The following RHOA variants were observed in gnomAD, a reference collection of about 807,000 sequenced individuals.
RHOA encodes ras homolog family member A.
RHOA carries 3 observed loss-of-function variants against 17.5 expected under a neutral mutation model. The ratio of observed to expected loss-of-function variants is 0.17; its 90% CI spans 0.08 to 0.44. RHOA has a LOEUF of 0.44. Ranked by LOEUF, RHOA falls within the 20% of genes least tolerant of loss-of-function variation. The pLI, the probability that RHOA is intolerant of heterozygous loss-of-function variation, is 0.99. For missense variants in RHOA, 56 were observed against 242.3 expected, an observed-to-expected ratio of 0.23 and a Z score of 5.10; for synonymous variants, 98 against 88.4, an observed-to-expected ratio of 1.11 and a Z score of -0.61.
chr3:49,365,552 T>C (rs936125353), intron 3 of RHOA, among the ~76,000 whole-genome samples: 6 of 151,932 alleles, frequency 3.9e-5, no homozygotes, highest in African/African-American at 1.2e-4. Flanking sequence ...TTTGAATAAA[T>C]TGACTGTCGC....
Position 49,359,372 on chromosome 3 carries a change from C to G in RHOA, c.*837G>C, listed in dbSNP as rs2107823948. On this transcript the variant is annotated 3_prime_UTR_variant, in exon 5 of 5. Coordinates refer to ENST00000418115, the MANE Select transcript of RHOA (RefSeq NM_001664.4). ...CATCTTCCAAAGTGTCTAATTGCCT[C>G]AGGCGTGAAACCAATTCCTATTTAC... 5.3e-6 allele frequency: 1 copy of G among 187,708 alleles called. No homozygotes were observed. The highest frequency in any genetic ancestry group is 2.3e-5 in the African/African-American group (1 of 42,860). The allele number at this position is 187,708 out of a possible 1,614,324, so 11.6% of individuals were successfully genotyped here.
At position 49,359,773 on chromosome 3, in the gene RHOA, C is replaced by A. The variant is rs1055542094; in HGVS notation, c.*436G>T. Reference sequence around the variant, plus strand: ...CCCATTTTCAAAAAACTGCCCACCCCAGAGCTATGCCAACAAAATCTGTTA... The same window carrying A: ...CCCATTTTCAAAAAACTGCCCACCCAAGAGCTATGCCAACAAAATCTGTTA... On this transcript the variant is annotated 3_prime_UTR_variant, in exon 5 of 5. Coordinates refer to ENST00000418115, the MANE Select transcript of RHOA (RefSeq NM_001664.4). 4.3e-6 allele frequency: 1 copy of A among 233,976 alleles called. No individual in the cohort carries two copies. The highest frequency in any genetic ancestry group is 8.5e-6 in the Non-Finnish European group (1 of 118,202). 14.5% of individuals were successfully genotyped at this position (233,976 alleles called of 1,614,324 possible). A position where few individuals can be genotyped will look rare whatever the true frequency, so the allele number is the denominator to read the frequency against.
At chr3:49,392,826 G>A (rs1043572299) in intron 1 of RHOA, among the ~76,000 whole-genome samples, 2 of 152,142 alleles carry the variant, frequency 1.3e-5, no homozygotes, top group Non-Finnish European at 1.5e-5. Flanking sequence ...GGTCAAAGAA[G>A]ACATATCCAC....
intron 2 of RHOA, among the ~76,000 whole-genome samples, chr3:49,370,274 A>G: frequency 6.6e-6 from 1 of 152,168 alleles, no homozygotes; most frequent in South Asian, 2.1e-4. Context: ...CAAAACAGAT[A>G]CTAGAACTGA....
chr3:49,368,055 G>A (rs1270479475), intron 3 of RHOA, among the ~76,000 whole-genome samples: 3 of 151,824 alleles, frequency 2.0e-5, no homozygotes, highest in Non-Finnish European at 2.9e-5. Flanking sequence ...GACTACAGGC[G>A]TGCACCACCA....
chr3:49,380,423 C>T (rs1575657993), intron 1 of RHOA, among the ~76,000 whole-genome samples: 3 of 152,204 alleles, frequency 2.0e-5, no homozygotes, highest in Admixed American at 2.0e-4. Flanking sequence ...ATTATATACA[C>T]TCAGCTGGGC....
chr3:49,408,145 T>C (rs1037809894), intron 1 of RHOA, among the ~76,000 whole-genome samples: 4 of 141,656 alleles, frequency 2.8e-5, no homozygotes, highest in Non-Finnish European at 6.0e-5. Context: ...GACGACAGAG[T>C]GAGACTCAGT....
intron 2 of RHOA, among the ~76,000 whole-genome samples, chr3:49,373,993 T>G (rs2107846606): frequency 6.6e-6 from 1 of 152,202 alleles, no homozygotes; most frequent in African/African-American, 2.4e-5. Flanking sequence ...GGGGAAGCAC[T>G]GTTCTCACCA....
At chr3:49,377,285 A>G (rs1478804992) in intron 1 of RHOA, among the ~76,000 whole-genome samples, 2 of 150,016 alleles carry the variant, frequency 1.3e-5, no homozygotes, top group Non-Finnish European at 1.5e-5. Flanking sequence ...GGACGGAAGC[A>G]TGAGAGGGGA....
chr3:49,385,671 C>G (rs1483659708), intron 1 of RHOA, among the ~76,000 whole-genome samples: 1 of 151,848 alleles, frequency 6.6e-6, no homozygotes, highest in Non-Finnish European at 1.5e-5. Flanking sequence ...CAGCCAAATT[C>G]AAGGTCGTAA....
At chr3:49,408,173 A>T (rs931390781) in intron 1 of RHOA, among the ~76,000 whole-genome samples, 103 of 149,628 alleles carry the variant, frequency 6.9e-4, no homozygotes, top group African/African-American at 2.5e-3. Context: ...GAGAAAAAAA[A>T]AAAAATATAT....
rs2107829943 is a variant in RHOA, at chr3:49,362,519, G to T, written c.385C>A (p.Arg129=). The T allele has an allele frequency of 6.2e-7, 1 of 1,612,718 alleles. No homozygotes were observed. The change falls in exon 4 of 5, where the codon CGG becomes AGG. Residue 129 remains arginine (R), a synonymous_variant. Coordinates refer to ENST00000418115, the MANE Select transcript of RHOA (RefSeq NM_001664.4). ...KDLRNDEHTR[R]ELAKMKQEPV... ...GCCTGCTTCATCTTGGCTAGCTCCC[G>T]CCTTGTGTGCTCATCATTCCGAAGA...
At chr3:49,364,027 G>A (rs952668978) in intron 3 of RHOA, among the ~76,000 whole-genome samples, 1 of 151,688 alleles carries the variant, frequency 6.6e-6, no homozygotes, top group South Asian at 2.1e-4. Flanking sequence ...CTCCAGCCAG[G>A]GTGACAAAGT....
intron 4 of RHOA, 92 bp from the exon 5 acceptor site, chr3:49,360,474 TTTC>T: frequency 7.1e-7 from 1 of 1,409,124 alleles, no homozygotes; most frequent in Non-Finnish European, 9.5e-7. Context: ...AAGATTTTTT[TTTC>T]TTTTTTTGAG....
intron 1 of RHOA, among the ~76,000 whole-genome samples, chr3:49,392,761 CA>C (rs911167342): frequency 6.6e-6 from 1 of 152,150 alleles, no homozygotes; most frequent in African/African-American, 2.4e-5. Flanking sequence ...ACAGCACGTC[CA>C]CCATCACAGA....
At chr3:49,390,374 C>T (rs1400057130) in intron 1 of RHOA, among the ~76,000 whole-genome samples, 1 of 151,980 alleles carries the variant, frequency 6.6e-6, no homozygotes, top group Non-Finnish European at 1.5e-5. Context: ...TGTGATCCAC[C>T]TGCCTCGGCC....
chr3:49,397,381 A>T (rs1369697285), intron 1 of RHOA, among the ~76,000 whole-genome samples: 6 of 152,264 alleles, frequency 3.9e-5, no homozygotes, highest in Middle Eastern at 3.4e-3. Context: ...TAATGTTCTA[A>T]AATTGACTGT....
At chr3:49,362,182 A>G (rs567963207) in intron 4 of RHOA, among the ~76,000 whole-genome samples, 5 of 152,286 alleles carry the variant, frequency 3.3e-5, no homozygotes, top group East Asian at 1.9e-4. Flanking sequence ...ATGAGACTCC[A>G]TATCAAAAAA....
chr3:49,386,917 A>G (rs1397262902), intron 1 of RHOA, among the ~76,000 whole-genome samples: 3 of 149,248 alleles, frequency 2.0e-5, no homozygotes, highest in African/African-American at 7.4e-5. Context: ...AATCGAGACC[A>G]GTCTGGCCAA....
Sources: allele counts gnomAD v4.1 joint callset (sites outside exome capture counted in the v4.1 genomes callset), GRCh38; gene constraint gnomAD v4.1.1; transcripts MANE v1.5; gene names NCBI Gene and HGNC (gene_info 2026-07-23, HGNC 2026-07-21).